The following GCNT1 variants were observed in gnomAD, a reference collection of about 807,000 sequenced individuals.
GCNT1 encodes glucosaminyl (N-acetyl) transferase 1.
A neutral mutation model predicts 26.2 loss-of-function variants in GCNT1; 16 were observed. That is an observed-to-expected ratio of 0.61 (90% CI 0.41 to 0.93). The LOEUF (loss-of-function observed/expected upper bound fraction) is 0.93, where lower values mean the gene tolerates loss of function less well. GCNT1 is among the 40% of genes least tolerant of loss of function. GCNT1 has a pLI of 0.00. For synonymous variants in GCNT1, 183 were observed against 190.8 expected (o/e 0.96, Z 0.34); for missense variants, 477 against 526.7 (o/e 0.91, Z 0.92).
chr9:76,467,244 G>A (rs926230304), intron 2 of GCNT1, among the ~76,000 whole-genome samples: 6 of 152,100 alleles, frequency 3.9e-5, no homozygotes, highest in African/African-American at 7.2e-5. Context: ...GGGTTTCACC[G>A]TGTTAGCCAG....
intron 2 of GCNT1, among the ~76,000 whole-genome samples, chr9:76,499,973 C>G (rs1465594259): frequency 6.6e-6 from 1 of 152,046 alleles, no homozygotes; most frequent in Non-Finnish European, 1.5e-5. Flanking sequence ...CATACTCGTG[C>G]TTTCTTTCAG....
At chr9:76,424,080 T>C (rs1031963430) in intron 1 of GCNT1, among the ~76,000 whole-genome samples, 2 of 152,240 alleles carry the variant, frequency 1.3e-5, no homozygotes, top group African/African-American at 4.8e-5. Context: ...TGAACTGTGA[T>C]GTTGCTAAGA....
chr9:76,450,672 A>T lies in GCNT1; in HGVS notation c.-290+8357A>T, dbSNP rs1823650698. ...TCCTATTGAAATTGAGCATCTTTTT[A>T]TGTGGATTTCTTCTTTAGTGAAGTA... On this transcript the variant is annotated intron_variant, in intron 1 of 2. Transcript: ENST00000442371. 3.3e-5 allele frequency among the ~76,000 whole-genome samples: 5 copies of T among 152,150 alleles called. No individual in the cohort carries two copies. The South Asian group carries it at 1.0e-3, about 32-fold the overall frequency.
At chr9:76,453,715 C>T (rs1823708625) in intron 1 of GCNT1, among the ~76,000 whole-genome samples, 1 of 152,190 alleles carries the variant, frequency 6.6e-6, no homozygotes, top group African/African-American at 2.4e-5. Flanking sequence ...TTGCCTGAAA[C>T]AATCAAAGTA....
chr9:76,483,708 C>G (rs549256153), intron 2 of GCNT1, among the ~76,000 whole-genome samples: 75 of 152,288 alleles, frequency 4.9e-4, no homozygotes, highest in Non-Finnish European at 9.0e-4. Context: ...CAGGCACAAG[C>G]CACCACACCT....
At chr9:76,398,992 A>C in the GCNT1 span, 10 of 1,543,974 alleles carry the variant, frequency 6.5e-6, no homozygotes, top group Non-Finnish European at 8.8e-6. Flanking sequence ...GAGCCACTCC[A>C]ATTGCTGGCC....
At chr9:76,478,224 A>G (rs7048227) in intron 2 of GCNT1, among the ~76,000 whole-genome samples, 1 of 152,122 alleles carries the variant, frequency 6.6e-6, no homozygotes, top group African/African-American at 2.4e-5. Context: ...TTCACAATAA[A>G]TCTTGCTGTT....
intron 2 of GCNT1, among the ~76,000 whole-genome samples, chr9:76,477,134 C>T (rs1002522493): frequency 3.7e-4 from 56 of 150,864 alleles, no homozygotes; most frequent in African/African-American, 1.2e-3. Flanking sequence ...GGGCTGGTCT[C>T]GAAATCCTTG....
rs752952437 is a variant in GCNT1 at position 76,506,909 on chromosome 9, A to G, written c.*3241A>G. On this transcript the variant is annotated 3_prime_UTR_variant, in exon 4 of 4. Coordinates refer to ENST00000376730, the MANE Select transcript of GCNT1 (RefSeq NM_001490.5). ...TCAGTTGTTCAGAAAAATAAAAATA[A>G]TTTCTCATATTAAATACAGACGCTC... The G allele has an allele frequency of 6.0e-6, 1 of 167,042 alleles. No individual in the cohort carries two copies. The highest frequency in any genetic ancestry group is 1.5e-5 in the Non-Finnish European group (1 of 68,100). The allele number at this position is 167,042 out of a possible 1,614,324, so 10.3% of individuals were successfully genotyped here.
chr9:76,484,339 C>T lies in GCNT1; in HGVS notation c.-289-16577C>T, dbSNP rs904346034. Among the ~76,000 whole-genome samples the T allele has an allele frequency of 8.1e-5, 12 of 148,774 alleles. No homozygotes were observed. The East Asian group carries it at 1.8e-3, about 22-fold the overall frequency. ...GAGCCAAGATAATGACATTGTACTA[C>T]AGACTGGGTGATGGATTGAGACCCT... On this transcript the variant is annotated intron_variant, in intron 2 of 3. Coordinates refer to ENST00000376730, the MANE Select transcript of GCNT1 (RefSeq NM_001490.5).
chr9:76,405,472 G>A, the GCNT1 span, among the ~76,000 whole-genome samples: 2 of 152,158 alleles, frequency 1.3e-5, no homozygotes, highest in African/African-American at 2.4e-5. Flanking sequence ...AAGGAATACC[G>A]ACTTGTATCC....
At chr9:76,463,817 TA>T (rs1823932329) in intron 2 of GCNT1, among the ~76,000 whole-genome samples, 1 of 152,054 alleles carries the variant, frequency 6.6e-6, no homozygotes, top group Admixed American at 6.6e-5. Context: ...CACAGGGTGT[TA>T]GGGGAGCATG....
chr9:76,487,268 C>T (rs1319818415), intron 2 of GCNT1, among the ~76,000 whole-genome samples: 1 of 152,134 alleles, frequency 6.6e-6, no homozygotes. Context: ...TGGGCTCCCT[C>T]ACTTGGGTCA....
At chr9:76,421,689 GTTTT>G (rs1182829928) in intron 1 of GCNT1, among the ~76,000 whole-genome samples, 1 of 74,784 alleles carries the variant, frequency 1.3e-5, no homozygotes, top group East Asian at 6.5e-4. Flanking sequence ...TTTGTAGGTT[GTTTT>G]TTTTTTTTTT....
intron 1 of GCNT1, among the ~76,000 whole-genome samples, chr9:76,420,971 A>G (rs953816969): frequency 6.7e-6 from 1 of 150,170 alleles, no homozygotes; most frequent in Non-Finnish European, 1.5e-5. Context: ...AGAATCCACT[A>G]TGAAAGGAAA....
At chr9:76,433,311 G>T (rs1382434578) in intron 1 of GCNT1, among the ~76,000 whole-genome samples, 1 of 152,190 alleles carries the variant, frequency 6.6e-6, no homozygotes, top group East Asian at 1.9e-4. Flanking sequence ...GCTGGAGTGG[G>T]GCAATGGGAC....
chr9:76,483,120 G>A (rs535910213), intron 2 of GCNT1, among the ~76,000 whole-genome samples: 9 of 152,050 alleles, frequency 5.9e-5, no homozygotes, highest in African/African-American at 1.7e-4. Flanking sequence ...TAGTCCTACC[G>A]AAACAGTAAT....
intron 1 of GCNT1, among the ~76,000 whole-genome samples, chr9:76,428,067 C>A (rs909283621): frequency 2.0e-5 from 3 of 151,862 alleles, no homozygotes; most frequent in African/African-American, 7.3e-5. Flanking sequence ...GAGATCGAGA[C>A]CATCCTGGCT....
intron 2 of GCNT1, among the ~76,000 whole-genome samples, chr9:76,492,637 C>T (rs1304357030): frequency 2.0e-5 from 3 of 150,118 alleles, no homozygotes; most frequent in Non-Finnish European, 4.4e-5. Flanking sequence ...CCCAGAGAAA[C>T]TTTGTGCCTT....
Sources: allele counts gnomAD v4.1 joint callset (sites outside exome capture counted in the v4.1 genomes callset), GRCh38; gene constraint gnomAD v4.1.1; transcripts MANE v1.5; gene names NCBI Gene and HGNC (gene_info 2026-07-23, HGNC 2026-07-21).